The following NECTIN1 variants were observed in gnomAD, a reference collection of about 807,000 sequenced individuals.
The protein encoded by NECTIN1 is nectin cell adhesion molecule 1.
A neutral mutation model predicts 48.0 loss-of-function variants in NECTIN1; 23 were observed. That is an observed-to-expected ratio of 0.48 (90% CI 0.34 to 0.68). NECTIN1 has a LOEUF of 0.68. Among genes scored for constraint, NECTIN1 ranks in the 30% least tolerant of loss-of-function variants. NECTIN1 has a pLI of 0.01. For synonymous variants in NECTIN1, 270 were observed against 288.9 expected (o/e 0.93, Z 0.66); for missense variants, 591 against 709.9 (o/e 0.83, Z 1.90).
At chr11:119,647,472 C>T (rs1864414001) in intron 5 of NECTIN1, among the ~76,000 whole-genome samples, 1 of 152,056 alleles carries the variant, frequency 6.6e-6, no homozygotes, top group African/African-American at 2.4e-5. Context: ...GGGAGAGGGA[C>T]TATCTCCCTG....
intron 6 of NECTIN1, chr11:119,639,800 G>A (rs1359031883): frequency 1.6e-5 from 26 of 1,605,522 alleles, no homozygotes; most frequent in African/African-American, 2.7e-5. Flanking sequence ...TTTAAGTCTG[G>A]GGCTCCCAGG....
intron 1 of NECTIN1, among the ~76,000 whole-genome samples, chr11:119,701,073 C>G (rs533149945): frequency 3.3e-4 from 50 of 152,282 alleles, no homozygotes; most frequent in Non-Finnish European, 6.3e-4. Flanking sequence ...GGCTGGGGAG[C>G]AGGGTGCTTG....
At position 119,709,662 on chromosome 11, in the gene NECTIN1, G is replaced by C. The variant is rs1865603201; in HGVS notation, c.79+18813C>G. ...GGAGCCTGGGAAAGACTGGGGCTGG[G>C]GGCTGGGGGCTGGGAGAGGAGAGTG... On this transcript the variant is annotated intron_variant, in intron 1 of 5. Coordinates refer to ENST00000264025, the MANE Select transcript of NECTIN1 (RefSeq NM_002855.5). This position sits in a 1 kb window ranked among gnomAD's most constrained non-coding sequence, Gnocchi z 4.1. Among the ~76,000 whole-genome samples the C allele has an allele frequency of 6.6e-6, 1 of 152,154 alleles. No individual in the cohort carries two copies. Among genetic ancestry groups the C allele is most frequent in the African/African-American group, 2.4e-5 (1 of 41,434 alleles).
chr11:119,684,439 G>A lies in NECTIN1; in HGVS notation c.80-5674C>T, dbSNP rs1865119811. Among the ~76,000 whole-genome samples, 1 of 152,246 alleles carries A rather than the reference G, an allele frequency of 6.6e-6. No individual in the cohort carries two copies. Among genetic ancestry groups the A allele is most frequent in the Non-Finnish European group, 1.5e-5 (1 of 68,038 alleles). On this transcript the variant is annotated intron_variant, in intron 1 of 5. Transcript: ENST00000264025. This position sits in a 1 kb window ranked among gnomAD's most constrained non-coding sequence, Gnocchi z 5.2. ...AGGTGGGTGCTGGGCTCCGCCATAA[G>A]GGCCTCTGTGAAATCGATATCCTTC...
chr11:119,702,969 T>C (rs976354991), intron 1 of NECTIN1, among the ~76,000 whole-genome samples: 1 of 152,192 alleles, frequency 6.6e-6, no homozygotes, highest in Non-Finnish European at 1.5e-5. Flanking sequence ...TAAACCCCCC[T>C]TGCTCTATGT....
At chr11:119,651,561 T>G (rs949690685) in intron 5 of NECTIN1, among the ~76,000 whole-genome samples, 1 of 152,060 alleles carries the variant, frequency 6.6e-6, no homozygotes, top group Non-Finnish European at 1.5e-5. Flanking sequence ...TTGGATTGTT[T>G]ATTTCATTAG....
chr11:119,639,902 G>A (rs748044781), exon 6 of NECTIN1: 20 of 1,614,060 alleles, frequency 1.2e-5, no homozygotes, highest in African/African-American at 4.0e-5. Flanking sequence ...TTCTGCTGCC[G>A]GTTGTACAGG....
At chr11:119,698,391 AT>A (rs1865379676) in intron 1 of NECTIN1, among the ~76,000 whole-genome samples, 1 of 152,300 alleles carries the variant, frequency 6.6e-6, no homozygotes, top group Admixed American at 6.5e-5. Flanking sequence ...AGATTCTACC[AT>A]TTCCCCCTGG....
At chr11:119,694,393 C>G (rs964449001) in intron 1 of NECTIN1, among the ~76,000 whole-genome samples, 1 of 152,180 alleles carries the variant, frequency 6.6e-6, no homozygotes, top group Non-Finnish European at 1.5e-5. Flanking sequence ...GTGGTGGTTT[C>G]TCTTGTGGTT....
intron 1 of NECTIN1, among the ~76,000 whole-genome samples, chr11:119,697,485 G>A (rs1169397651): frequency 6.6e-6 from 1 of 152,156 alleles, no homozygotes; most frequent in Non-Finnish European, 1.5e-5. Context: ...AATACTGGTG[G>A]TCAGTATCTG....
Position 119,664,521 on chromosome 11 carries a change from T to C in NECTIN1, c.*226A>G, listed in dbSNP as rs1864726361. The C allele has an allele frequency of 1.4e-6, 2 of 1,411,104 alleles. No homozygotes were observed. The highest frequency in any genetic ancestry group is 1.4e-5 in the African/African-American group (1 of 69,280). The allele number at this position is 1,411,104 out of a possible 1,614,324, so 87.4% of individuals were successfully genotyped here. On this transcript the variant is annotated 3_prime_UTR_variant, in exon 6 of 6. Transcript: ENST00000264025. ...AGATACAGTAACACTAAAGCCACAG[T>C]CGAACACAACACCATGGGGAAGGGC...
In NECTIN1 at chr11:119,693,207, C is replaced by G. The variant is rs190280567; in HGVS notation, c.80-14442G>C. On this transcript the variant is annotated intron_variant, in intron 1 of 5. Transcript: ENST00000264025. ...TTGACTTCCAGTCCAAACCCTGCCA[C>G]TCTCGGGGTGTGTGTCTCTCTCTCT... is the stretch of plus-strand genomic sequence containing the variant. Among the ~76,000 whole-genome samples, 7 of 152,356 alleles carry G rather than the reference C, an allele frequency of 4.6e-5. No individual in the cohort carries two copies. The East Asian group carries it at 9.6e-4, about 21-fold the overall frequency.
At chr11:119,717,934 T>C (rs1391868592) in intron 1 of NECTIN1, among the ~76,000 whole-genome samples, 1 of 152,258 alleles carries the variant, frequency 6.6e-6, no homozygotes, top group East Asian at 1.9e-4. Flanking sequence ...GCTGATCACA[T>C]AGCTCTGGCT....
intron 5 of NECTIN1, among the ~76,000 whole-genome samples, chr11:119,643,895 A>G (rs1170158968): frequency 6.6e-6 from 1 of 152,210 alleles, no homozygotes; most frequent in Non-Finnish European, 1.5e-5. Flanking sequence ...TGTCCTTGCA[A>G]TGATCCTGGG....
intron 1 of NECTIN1, among the ~76,000 whole-genome samples, chr11:119,688,608 C>T (rs1865201990): frequency 6.6e-6 from 1 of 152,138 alleles, no homozygotes; most frequent in Non-Finnish European, 1.5e-5. Context: ...GACCACTGGC[C>T]TAGAGGAAGG....
intron 7 of NECTIN1, among the ~76,000 whole-genome samples, chr11:119,638,474 T>C (rs1358318079): frequency 6.6e-6 from 1 of 152,122 alleles, no homozygotes; most frequent in African/African-American, 2.4e-5. Flanking sequence ...AGGTGCTCAA[T>C]GCATTTTTTA....
At chr11:119,651,768 G>A (rs1864494639) in intron 5 of NECTIN1, among the ~76,000 whole-genome samples, 1 of 152,160 alleles carries the variant, frequency 6.6e-6, no homozygotes, top group African/African-American at 2.4e-5. Flanking sequence ...TGGAGATGGA[G>A]TGGGGTGCGG....
At chr11:119,668,903 T>C (rs1864821363) in intron 5 of NECTIN1, among the ~76,000 whole-genome samples, 1 of 152,248 alleles carries the variant, frequency 6.6e-6, no homozygotes, top group Non-Finnish European at 1.5e-5. Flanking sequence ...GATTGACTCA[T>C]TTCAGTGTGT....
chr11:119,710,914 A>G (rs1865633126), intron 1 of NECTIN1, among the ~76,000 whole-genome samples: 1 of 152,136 alleles, frequency 6.6e-6, no homozygotes, highest in African/African-American at 2.4e-5. Flanking sequence ...ATAACCGCAG[A>G]CCTTCCTGGT....
Sources: allele counts gnomAD v4.1 joint callset (sites outside exome capture counted in the v4.1 genomes callset), GRCh38; gene constraint gnomAD v4.1.1; non-coding constraint Gnocchi (gnomAD v3.1); transcripts MANE v1.5; gene names NCBI Gene and HGNC (gene_info 2026-07-23, HGNC 2026-07-21).